The following PLXNA4 variants were observed in gnomAD, a reference collection of about 807,000 sequenced individuals.
The protein encoded by PLXNA4 is plexin-A4.
PLXNA4 carries 44 observed loss-of-function variants against 191.8 expected under a neutral mutation model. The observed-to-expected ratio is 0.23, with a 90% confidence interval of 0.18 to 0.29. PLXNA4 has a LOEUF of 0.29. Ranked by LOEUF, PLXNA4 falls within the 10% of genes least tolerant of loss-of-function variation. The pLI is 1.00. For missense variants in PLXNA4, 1,800 were observed against 2,488.8 expected, an observed-to-expected ratio of 0.72 and a Z score of 5.89; for synonymous variants, 1,082 against 1,009.5, an observed-to-expected ratio of 1.07 and a Z score of -1.36.
chr7:132,167,114 A>T (rs6975484), intron 22 of PLXNA4, among the ~76,000 whole-genome samples: 67,475 of 152,018 alleles, frequency 0.44, 16,928 homozygotes, highest in Middle Eastern at 0.57. Flanking sequence ...ATGACGTGGG[A>T]GTTTTCTAAC....
rs762653821 is a variant in PLXNA4, at chr7:132,227,620, C to CG, written c.1729-17dup. 6.2e-7 allele frequency: 1 copy of CG among 1,613,112 alleles called. No individual in the cohort carries two copies. Among genetic ancestry groups the CG allele is most frequent in the Non-Finnish European group, 8.5e-7 (1 of 1,179,746 alleles). ...CCAGGACCAGCTGTGAACAGCCAGG[C>CG]GGGGGGAGAGAAGGAGGAGGGTGAA... On this transcript the variant is annotated splice_polypyrimidine_tract_variant and intron_variant, in intron 6 of 31. Transcript: ENST00000321063.
At chr7:132,277,902 G>A (rs1173215822) in intron 4 of PLXNA4, among the ~76,000 whole-genome samples, 1 of 152,186 alleles carries the variant, frequency 6.6e-6, no homozygotes, top group Non-Finnish European at 1.5e-5. Context: ...GTAAATGAAT[G>A]GGTGTGACCA....
intron 11 of PLXNA4, 58 bp from the exon 12 acceptor site, chr7:132,202,894 G>T: frequency 3.5e-6 from 5 of 1,440,070 alleles, no homozygotes; most frequent in Non-Finnish European, 4.6e-6. Context: ...GGGACAGAAG[G>T]GGCCCAGAGA....
chr7:132,534,749 G>C (rs1011916319), intron 1 of PLXNA4, among the ~76,000 whole-genome samples: 3 of 152,218 alleles, frequency 2.0e-5, no homozygotes, highest in African/African-American at 7.2e-5. Context: ...AAACATAACA[G>C]CTCTACTAAT....
Position 132,216,856 on chromosome 7 carries a change from C to A in PLXNA4, c.2098-5713G>T, listed in dbSNP as rs776785853. Among the ~76,000 whole-genome samples, 55 of 152,204 alleles carry A rather than the reference C, an allele frequency of 3.6e-4. 1 individual carries two copies. The highest frequency in any genetic ancestry group is 4.9e-4 in the Non-Finnish European group (33 of 68,034). On this transcript the variant is annotated intron_variant, in intron 9 of 31. Transcript: ENST00000321063. ...CCAAAACTCCTCAAAAACATACTGC[C>A]CTTCTCTTTTGAGGCAAGCCGTATC... is the stretch of plus-strand genomic sequence containing the variant.
intron 2 of PLXNA4, among the ~76,000 whole-genome samples, chr7:132,496,619 C>G (rs1798021899): frequency 6.6e-6 from 1 of 152,120 alleles, no homozygotes; most frequent in African/African-American, 2.4e-5. Flanking sequence ...CCAGGCTGGT[C>G]TTGAACTCCT....
At chr7:132,342,475 T>G (rs957761637) in intron 3 of PLXNA4, among the ~76,000 whole-genome samples, 1 of 152,054 alleles carries the variant, frequency 6.6e-6, no homozygotes, top group Admixed American at 6.6e-5. Context: ...GACAAGGGTG[T>G]GTTTTAATAA....
chr7:132,603,231 A>G (rs1338310414), intron 2 of PLXNA4, among the ~76,000 whole-genome samples: 1 of 149,628 alleles, frequency 6.7e-6, no homozygotes, highest in Non-Finnish European at 1.5e-5. Context: ...GACTGCTGGG[A>G]TCTGTATTCT....
chr7:132,416,959 GA>G (rs1794681891), intron 3 of PLXNA4, among the ~76,000 whole-genome samples: 1 of 152,026 alleles, frequency 6.6e-6, no homozygotes, highest in South Asian at 2.1e-4. Context: ...TCAGCATGTG[GA>G]AAAATTCAAC....
Position 132,130,224 on chromosome 7 carries a change from T to C in PLXNA4, c.*255A>G. The C allele has an allele frequency of 4.3e-6, 2 of 469,200 alleles. No individual in the cohort carries two copies. Among genetic ancestry groups the C allele is most frequent in the Non-Finnish European group, 3.8e-6 (1 of 260,060 alleles). 29.1% of individuals were successfully genotyped at this position (469,200 alleles called of 1,614,324 possible). ...CTCTGACATCTTCTGGTCAGCTCCC[T>C]TGCCATGGGCCTGGCCATTCTTGGA... On this transcript the variant is annotated 3_prime_UTR_variant, in exon 32 of 32. Coordinates refer to ENST00000321063, the MANE Select transcript of PLXNA4 (RefSeq NM_020911.2).
At position 132,576,457 on chromosome 7, in the gene PLXNA4, G is replaced by A. The variant is rs1802242753; in HGVS notation, c.-122C>T. 2.0e-6 allele frequency: 2 copies of A among 985,704 alleles called. No individual in the cohort carries two copies. Among genetic ancestry groups the A allele is most frequent in the Non-Finnish European group, 2.4e-6 (2 of 829,934 alleles). 61.1% of individuals were successfully genotyped at this position (985,704 alleles called of 1,614,324 possible). A position where few individuals can be genotyped will look rare whatever the true frequency, so the allele number is the denominator to read the frequency against. On this transcript the variant is annotated 5_prime_UTR_variant, in exon 1 of 32. Coordinates refer to ENST00000321063, the MANE Select transcript of PLXNA4 (RefSeq NM_020911.2). This position sits in a 1 kb window ranked among gnomAD's most constrained non-coding sequence, Gnocchi z 5.8. Reference sequence around the variant, plus strand: ...CGCGTTTCCCTCCTTCAGCGGGAGCGCCGCATTGACACTGCAGATGGAGCC... The same window carrying A: ...CGCGTTTCCCTCCTTCAGCGGGAGCACCGCATTGACACTGCAGATGGAGCC...
chr7:132,637,870 G>T (rs1373949914), intron 2 of PLXNA4, among the ~76,000 whole-genome samples: 2 of 152,194 alleles, frequency 1.3e-5, no homozygotes, highest in Admixed American at 6.5e-5. Flanking sequence ...CCTGAGACAG[G>T]AAGCTTGTAC....
intron 13 of PLXNA4, among the ~76,000 whole-genome samples, chr7:132,194,695 T>C (rs890594357): frequency 1.3e-5 from 2 of 152,212 alleles, no homozygotes; most frequent in African/African-American, 2.4e-5. Flanking sequence ...GAGGGGATAA[T>C]TGAGTGTGTG....
intron 3 of PLXNA4, among the ~76,000 whole-genome samples, chr7:132,456,695 A>G (rs1796326586): frequency 7.1e-6 from 1 of 139,908 alleles, no homozygotes; most frequent in African/African-American, 2.6e-5. Flanking sequence ...AGAAGAGGGC[A>G]GTGGAGGGGA....
At chr7:132,243,355 T>C (rs537394470) in intron 4 of PLXNA4, among the ~76,000 whole-genome samples, 4 of 152,312 alleles carry the variant, frequency 2.6e-5, no homozygotes, top group African/African-American at 7.2e-5. Flanking sequence ...CTAAACTTAA[T>C]TACCATCCTC....
At chr7:132,585,807 C>T (rs891900566) in intron 2 of PLXNA4, among the ~76,000 whole-genome samples, 13 of 152,134 alleles carry the variant, frequency 8.5e-5, no homozygotes, top group African/African-American at 2.9e-4. Context: ...GGACTCGATC[C>T]ATCATGGGTG....
chr7:132,628,350 C>T (rs553049805), intron 2 of PLXNA4, among the ~76,000 whole-genome samples: 3 of 152,124 alleles, frequency 2.0e-5, no homozygotes, highest in Non-Finnish European at 2.9e-5. Flanking sequence ...GTCTCTCTCT[C>T]GCTCTCTCTC....
chr7:132,613,259 T>C (rs1221125409), intron 2 of PLXNA4, among the ~76,000 whole-genome samples: 1 of 152,104 alleles, frequency 6.6e-6, no homozygotes, highest in African/African-American at 2.4e-5. Context: ...CTGGGCCTCC[T>C]CTCCTCTGCT....
At chr7:132,212,654 G>T (rs1797840518) in intron 9 of PLXNA4, among the ~76,000 whole-genome samples, 1 of 152,184 alleles carries the variant, frequency 6.6e-6, no homozygotes, top group African/African-American at 2.4e-5. Context: ...GAAAAGAGGA[G>T]GGAAAGAGAG....
Sources: gnomAD v4.1 joint callset for allele counts (sites outside exome capture counted in the v4.1 genomes callset) on GRCh38, gnomAD v4.1.1 for gene constraint, Gnocchi (gnomAD v3.1) non-coding constraint, MANE v1.5 for transcripts, NCBI Gene and HGNC (gene_info 2026-07-23, HGNC 2026-07-21) for gene names.